Variants in LRMDA observed in about 807,000 individuals in gnomAD.
The protein encoded by LRMDA is leucine rich melanocyte differentiation associated, also known as leucine-rich melanocyte differentiation-associated protein.
LRMDA carries 18 observed loss-of-function variants against 29.8 expected under a neutral mutation model. The observed-to-expected ratio is 0.60, with a 90% CI of 0.42 to 0.90. The LOEUF (loss-of-function observed/expected upper bound fraction) is 0.90. LRMDA is among the 40% of genes least tolerant of loss of function. The pLI is 0.00. For synonymous variants in LRMDA, 125 were observed against 109.4 expected, an observed-to-expected ratio of 1.14 and a Z score of -0.89; for missense variants, 273 against 273.9, an observed-to-expected ratio of 1.00 and a Z score of 0.02.
chr10:76,362,589 G>A (rs979350622), intron 6 of LRMDA, among the ~76,000 whole-genome samples: 1 of 152,242 alleles, frequency 6.6e-6, no homozygotes, highest in South Asian at 2.1e-4. Context: ...GATTCAGGGG[G>A]TACATGTGCT....
chr10:76,202,996 T>C (rs1036202547), intron 5 of LRMDA, among the ~76,000 whole-genome samples: 4 of 152,204 alleles, frequency 2.6e-5, no homozygotes, highest in Non-Finnish European at 2.9e-5. Context: ...TTTCCTGCCA[T>C]TGAGAAAGAG....
chr10:75,445,486 T>C (rs1021171490), intron 2 of LRMDA, among the ~76,000 whole-genome samples: 2 of 152,252 alleles, frequency 1.3e-5, no homozygotes, highest in Admixed American at 1.3e-4. Context: ...AGTATTTGAA[T>C]GTCCATGGTC....
intron 2 of LRMDA, among the ~76,000 whole-genome samples, chr10:75,751,845 G>T (rs1342181999): frequency 1.3e-5 from 2 of 152,180 alleles, no homozygotes; most frequent in African/African-American, 4.8e-5. Context: ...CTTCAAGATT[G>T]TGTGCTCAAA....
chr10:75,693,475 T>C (rs986939198), intron 2 of LRMDA, among the ~76,000 whole-genome samples: 7 of 152,198 alleles, frequency 4.6e-5, no homozygotes, highest in South Asian at 4.1e-4. Context: ...TCAGTTGCAA[T>C]TAGCAGATTT....
At chr10:76,543,917 A>G (rs1286864345) in intron 6 of LRMDA, among the ~76,000 whole-genome samples, 1 of 152,092 alleles carries the variant, frequency 6.6e-6, no homozygotes, top group East Asian at 1.9e-4. Flanking sequence ...CCCCCCCAGG[A>G]GAGGTCATGT....
At chr10:75,547,644 C>T (rs1216600943) in intron 2 of LRMDA, among the ~76,000 whole-genome samples, 1 of 152,160 alleles carries the variant, frequency 6.6e-6, no homozygotes, top group African/African-American at 2.4e-5. Context: ...TACCAGTGCT[C>T]AAGCCACATG....
intron 6 of LRMDA, among the ~76,000 whole-genome samples, chr10:76,543,937 C>T (rs975530836): frequency 6.6e-6 from 1 of 152,098 alleles, no homozygotes; most frequent in Non-Finnish European, 1.5e-5. Context: ...TGGGCTTCTC[C>T]CTGCACCACA....
intron 2 of LRMDA, among the ~76,000 whole-genome samples, chr10:75,672,960 C>CTT (rs11325038): frequency 4.9e-5 from 7 of 142,084 alleles, no homozygotes; most frequent in South Asian, 2.3e-4. Flanking sequence ...AACTGTTTGC[C>CTT]TTTTTTTTTT....
chr10:75,592,042 C>G (rs1284029103), intron 2 of LRMDA, among the ~76,000 whole-genome samples: 1 of 151,864 alleles, frequency 6.6e-6, no homozygotes, highest in Non-Finnish European at 1.5e-5. Context: ...AGGAAAGTGG[C>G]CAGTGGTGTG....
chr10:76,272,619 G>A (rs1196477089), intron 5 of LRMDA, among the ~76,000 whole-genome samples: 2 of 152,162 alleles, frequency 1.3e-5, no homozygotes, highest in African/African-American at 4.8e-5. Flanking sequence ...GTCAGAGTAG[G>A]CCTATTCCCC....
At chr10:75,957,276 A>G (rs1259520240) in intron 2 of LRMDA, among the ~76,000 whole-genome samples, 1 of 152,246 alleles carries the variant, frequency 6.6e-6, no homozygotes, top group African/African-American at 2.4e-5. Context: ...TTCATCTGCC[A>G]TGTGGTCTTT....
chr10:75,844,280 C>A (rs1385240084), intron 2 of LRMDA, among the ~76,000 whole-genome samples: 1 of 152,200 alleles, frequency 6.6e-6, no homozygotes, highest in Non-Finnish European at 1.5e-5. Context: ...TTCCCCCTTT[C>A]TCTTTTCCTT....
At chr10:75,568,600 C>G (rs1290993061) in intron 2 of LRMDA, among the ~76,000 whole-genome samples, 1 of 152,166 alleles carries the variant, frequency 6.6e-6, no homozygotes. Context: ...TACTAACTAG[C>G]TTGCTTTGGG....
intron 2 of LRMDA, among the ~76,000 whole-genome samples, chr10:75,537,244 G>T (rs1028340677): frequency 2.0e-5 from 3 of 152,152 alleles, no homozygotes; most frequent in Non-Finnish European, 1.5e-5. Context: ...AACCGCTGAT[G>T]GAAGCATCTT....
intron 2 of LRMDA, among the ~76,000 whole-genome samples, chr10:75,502,037 C>A (rs994187376): frequency 6.6e-6 from 1 of 152,194 alleles, no homozygotes; most frequent in African/African-American, 2.4e-5. Flanking sequence ...GTCCTGCCAT[C>A]ATTCAGGGGC....
At chr10:75,781,167 T>C (rs1379986427) in intron 2 of LRMDA, among the ~76,000 whole-genome samples, 2 of 152,220 alleles carry the variant, frequency 1.3e-5, no homozygotes, top group Non-Finnish European at 2.9e-5. Context: ...CATTGGCCTT[T>C]GTATTTAACT....
At chr10:76,318,791 C>T (rs1027131116) in intron 5 of LRMDA, 3 of 152,268 alleles carry the variant, frequency 2.0e-5, no homozygotes, top group African/African-American at 7.2e-5. Flanking sequence ...GAAGCTTCAG[C>T]CTTCTACCTG....
At chr10:75,711,665 A>G (rs371478158) in intron 2 of LRMDA, among the ~76,000 whole-genome samples, 20 of 152,282 alleles carry the variant, frequency 1.3e-4, no homozygotes, top group African/African-American at 4.8e-4. Context: ...GGGTAAGAAA[A>G]GAGAAGTTTA....
chr10:76,139,715 GAC>G (rs950508619), intron 5 of LRMDA, among the ~76,000 whole-genome samples: 6 of 152,156 alleles, frequency 3.9e-5, no homozygotes, highest in African/African-American at 1.2e-4. Flanking sequence ...TTAGAATTAT[GAC>G]AGTGTTTTTC....
Sources: allele counts gnomAD v4.1 joint callset (sites outside exome capture counted in the v4.1 genomes callset), GRCh38; gene constraint gnomAD v4.1.1; transcripts MANE v1.5; gene names NCBI Gene and HGNC (gene_info 2026-07-23, HGNC 2026-07-21).